RAD51B: variants seen among roughly 807,000 people sequenced by gnomAD.
The protein encoded by RAD51B is DNA repair protein RAD51 homolog 2.
A neutral mutation model predicts 42.2 loss-of-function variants in RAD51B; 38 were observed. The observed-to-expected ratio is 0.90, with a 90% CI of 0.70 to 1.18. RAD51B has a LOEUF of 1.18. Ranked by LOEUF, RAD51B falls within the 50% of genes most tolerant of loss-of-function variation. The pLI, the probability that RAD51B is intolerant of heterozygous loss-of-function variation, is 0.00. For missense variants in RAD51B, 373 were observed against 400.7 expected (o/e 0.93, Z 0.59); for synonymous variants, 154 against 145.2 (o/e 1.06, Z -0.43).
At chr14:68,678,017 G>A (rs1023102736) in intron 11 of RAD51B, among the ~76,000 whole-genome samples, 6 of 152,068 alleles carry the variant, frequency 3.9e-5, no homozygotes, top group Non-Finnish European at 5.9e-5. Flanking sequence ...CTAAGCATTC[G>A]CCATGCTTTA....
chr14:68,029,250 G>C (rs2076003354), intron 7 of RAD51B, among the ~76,000 whole-genome samples: 1 of 152,090 alleles, frequency 6.6e-6, no homozygotes, highest in Non-Finnish European at 1.5e-5. Flanking sequence ...TCTCTCTTGT[G>C]GGGAGCAGTG....
chr14:68,311,033 T>G (rs1016129167), intron 8 of RAD51B, among the ~76,000 whole-genome samples: 1 of 151,940 alleles, frequency 6.6e-6, no homozygotes, highest in Non-Finnish European at 1.5e-5. Context: ...CAGAGTAGAT[T>G]GTCGGTGCCA....
intron 7 of RAD51B, among the ~76,000 whole-genome samples, chr14:68,110,096 T>G (rs2077437228): frequency 6.6e-6 from 1 of 152,008 alleles, no homozygotes; most frequent in Admixed American, 6.6e-5. Context: ...GGGACCATCA[T>G]ACTTAGGAGC....
intron 8 of RAD51B, among the ~76,000 whole-genome samples, chr14:68,369,058 C>T (rs1421011620): frequency 6.6e-6 from 1 of 152,094 alleles, no homozygotes; most frequent in East Asian, 1.9e-4. Context: ...AGTCTCTTGG[C>T]TGTAGAGTAC....
At chr14:68,259,932 G>GA (rs1038397765) in intron 7 of RAD51B, among the ~76,000 whole-genome samples, 2 of 152,152 alleles carry the variant, frequency 1.3e-5, no homozygotes, top group African/African-American at 4.8e-5. Context: ...AGAAAGTGGT[G>GA]AAAAAGACAG....
At chr14:68,556,035 C>G (rs532938848) in intron 10 of RAD51B, among the ~76,000 whole-genome samples, 2 of 152,372 alleles carry the variant, frequency 1.3e-5, no homozygotes, top group African/African-American at 4.8e-5. Context: ...AGAAGGGAAT[C>G]GGCACAGTGA....
chr14:68,672,125 G>A (rs1320180563), intron 11 of RAD51B, among the ~76,000 whole-genome samples: 3 of 152,184 alleles, frequency 2.0e-5, no homozygotes. Flanking sequence ...GAGTCCCAGA[G>A]GCTAATATTT....
chr14:68,457,118 G>A (rs1255689124), intron 9 of RAD51B, among the ~76,000 whole-genome samples: 1 of 151,512 alleles, frequency 6.6e-6, no homozygotes, highest in Non-Finnish European at 1.5e-5. Flanking sequence ...TTGCCATGTT[G>A]GTCAGGGTGG....
intron 4 of RAD51B, among the ~76,000 whole-genome samples, chr14:67,859,045 A>G (rs1330985283): frequency 6.6e-6 from 1 of 152,240 alleles, no homozygotes; most frequent in Admixed American, 6.5e-5. Context: ...TATTGTTTCA[A>G]TCTAACAAAT....
chr14:68,437,862 G>T (rs538136648), intron 9 of RAD51B, among the ~76,000 whole-genome samples: 2 of 152,222 alleles, frequency 1.3e-5, no homozygotes, highest in East Asian at 3.9e-4. Context: ...TTCAGAAGAG[G>T]GTGTGATACT....
rs763318441 is a variant in RAD51B at position 68,525,649 on chromosome 14, C to T, written c.1036+57399C>T. On this transcript the variant is annotated intron_variant, in intron 10 of 10. Transcript: ENST00000487270. ...GATGTTCCATTTCTTAGCAGTGTTG[C>T]CAGGGCCTCTCCTTAGTGTGGTCCA... 2.0e-5 allele frequency among the ~76,000 whole-genome samples: 3 copies of T among 152,142 alleles called. No homozygotes were observed. The South Asian group carries it at 6.2e-4, about 32-fold the overall frequency.
intron 9 of RAD51B, among the ~76,000 whole-genome samples, chr14:68,440,143 T>C (rs1298376295): frequency 7.3e-6 from 1 of 137,078 alleles, no homozygotes; most frequent in Non-Finnish European, 1.5e-5. Flanking sequence ...ATAATGGTTG[T>C]AAGATTGATC....
At chr14:68,102,757 A>T (rs867175495) in intron 7 of RAD51B, among the ~76,000 whole-genome samples, 1 of 152,134 alleles carries the variant, frequency 6.6e-6, no homozygotes, top group South Asian at 2.1e-4. Flanking sequence ...TTGCTTCCAC[A>T]TTCTTGGGTA....
At chr14:68,611,808 C>A (rs1413510684), downstream of RAD51B, among the ~76,000 whole-genome samples, 1 of 152,196 alleles carries the variant, frequency 6.6e-6, no homozygotes, top group Non-Finnish European at 1.5e-5. Flanking sequence ...CATGACAGAG[C>A]CTGTCAGGTC....
At chr14:67,906,643 A>T (rs1213966130) in intron 7 of RAD51B, among the ~76,000 whole-genome samples, 1 of 151,814 alleles carries the variant, frequency 6.6e-6, no homozygotes, top group Non-Finnish European at 1.5e-5. Context: ...TTTTCAGGAA[A>T]TTATCCATTT....
intron 8 of RAD51B, among the ~76,000 whole-genome samples, chr14:68,348,208 T>G (rs2082711685): frequency 2.0e-5 from 3 of 152,216 alleles, no homozygotes; most frequent in Admixed American, 1.3e-4. Context: ...AAATGTAGAC[T>G]AAGTTTTTTA....
At chr14:68,590,938 G>A (rs1002525707) in intron 10 of RAD51B, among the ~76,000 whole-genome samples, 11 of 152,142 alleles carry the variant, frequency 7.2e-5, no homozygotes, top group African/African-American at 2.7e-4. Flanking sequence ...GTTCTCACTA[G>A]GCGACTGCTC....
At chr14:68,357,646 G>A (rs2082936846) in intron 8 of RAD51B, among the ~76,000 whole-genome samples, 2 of 152,086 alleles carry the variant, frequency 1.3e-5, no homozygotes, top group African/African-American at 4.8e-5. Context: ...GGCCGCAGCA[G>A]GCATGAAAAC....
At chr14:68,468,061 T>C in intron 9 of RAD51B, 111 bp from the exon 10 acceptor site, 1 of 896,494 alleles carries the variant, frequency 1.1e-6, no homozygotes, top group Non-Finnish European at 1.8e-6. Flanking sequence ...TAAATAAGCC[T>C]TGTGACTTAC....
Sources: allele counts gnomAD v4.1 joint callset (sites outside exome capture counted in the v4.1 genomes callset), GRCh38; gene constraint gnomAD v4.1.1; transcripts MANE v1.5; gene names NCBI Gene and HGNC (gene_info 2026-07-23, HGNC 2026-07-21).